TASP1: variants seen among roughly 807,000 people sequenced by gnomAD.
TASP1 encodes the protein taspase 1, also known as threonine aspartase 1.
A neutral mutation model predicts 56.6 loss-of-function variants in TASP1; 16 were observed. The observed-to-expected ratio is 0.28, with a 90% CI of 0.19 to 0.43. The LOEUF (loss-of-function observed/expected upper bound fraction) is 0.43. TASP1 is among the 20% of genes least tolerant of loss of function. TASP1 has a pLI of 1.00. For missense variants in TASP1, 393 were observed against 511.6 expected (o/e 0.77, Z 2.24); for synonymous variants, 179 against 184.2 (o/e 0.97, Z 0.23).
the TASP1 span, chr20:13,279,535 C>A: frequency 8.5e-7 from 1 of 1,175,190 alleles, no homozygotes; most frequent in Non-Finnish European, 1.2e-6. Flanking sequence ...ACGGATGCAT[C>A]CATCATTTCC....
At chr20:13,382,981 A>T in the TASP1 span, among the ~76,000 whole-genome samples, 1 of 152,204 alleles carries the variant, frequency 6.6e-6, no homozygotes, top group Non-Finnish European at 1.5e-5. Flanking sequence ...ATGAGGGAAG[A>T]GCAAGCCATG....
At chr20:13,434,359 GA>G (rs1464567966) in intron 12 of TASP1, among the ~76,000 whole-genome samples, 1 of 152,116 alleles carries the variant, frequency 6.6e-6, no homozygotes, top group African/African-American at 2.4e-5. Context: ...AGATGGATTA[GA>G]AAAAGGCAAC....
intron 10 of TASP1, among the ~76,000 whole-genome samples, chr20:13,517,335 C>T (rs1180951107): frequency 2.0e-5 from 3 of 151,976 alleles, no homozygotes; most frequent in Non-Finnish European, 2.9e-5. Flanking sequence ...AATTACAAGT[C>T]GTCTTGCTGA....
the TASP1 span, among the ~76,000 whole-genome samples, chr20:13,129,002 G>A: frequency 4.0e-5 from 6 of 151,098 alleles, no homozygotes; most frequent in African/African-American, 7.3e-5. Flanking sequence ...TCAGCCTCCC[G>A]AGTAGCTGGG....
the TASP1 span, chr20:13,292,263 A>G: frequency 1.5e-6 from 1 of 680,256 alleles, no homozygotes. Flanking sequence ...CGTGAGTAGT[A>G]ATGAATACAA....
intron 13 of TASP1, among the ~76,000 whole-genome samples, chr20:13,395,625 C>G (rs1218192838): frequency 6.6e-6 from 1 of 151,812 alleles, no homozygotes. Flanking sequence ...GTATTGTGAA[C>G]TGGGTAGTAC....
chr20:13,265,331 A>C, the TASP1 span, among the ~76,000 whole-genome samples: 1 of 152,202 alleles, frequency 6.6e-6, no homozygotes, highest in Non-Finnish European at 1.5e-5. Context: ...ACCAATTTGC[A>C]AAGGAAGGAG....
the TASP1 span, among the ~76,000 whole-genome samples, chr20:13,342,582 C>A: frequency 6.6e-6 from 1 of 152,152 alleles, no homozygotes; most frequent in African/African-American, 2.4e-5. Flanking sequence ...GGTTGCCCAG[C>A]CAGGCCAGGG....
the TASP1 span, among the ~76,000 whole-genome samples, chr20:13,175,025 C>T: frequency 3.3e-5 from 5 of 152,110 alleles, no homozygotes; most frequent in Admixed American, 1.3e-4. Flanking sequence ...GCTCTTCATT[C>T]GCTTTCTGCC....
chr20:13,237,574 C>A, the TASP1 span, among the ~76,000 whole-genome samples: 1 of 152,040 alleles, frequency 6.6e-6, no homozygotes, highest in Non-Finnish European at 1.5e-5. Flanking sequence ...AAAAGGGAGT[C>A]CAAGGAGGGC....
the TASP1 span, among the ~76,000 whole-genome samples, chr20:13,275,957 G>A: frequency 1.1e-4 from 17 of 152,322 alleles, no homozygotes; most frequent in African/African-American, 3.1e-4. Context: ...CTAGATTGGC[G>A]TGCTGCAAGT....
the TASP1 span, among the ~76,000 whole-genome samples, chr20:13,344,806 G>A: frequency 6.6e-6 from 1 of 152,288 alleles, no homozygotes; most frequent in African/African-American, 2.4e-5. Flanking sequence ...TGTGGGCTAT[G>A]TGTTCACTCC....
chr20:13,464,927 C>A (rs1484581386), intron 11 of TASP1, among the ~76,000 whole-genome samples: 2 of 151,882 alleles, frequency 1.3e-5, no homozygotes, highest in African/African-American at 4.8e-5. Flanking sequence ...CTTGGGAAAG[C>A]CGAGACAGGA....
At chr20:13,531,408 T>G (rs1176193498) in intron 9 of TASP1, among the ~76,000 whole-genome samples, 1 of 151,920 alleles carries the variant, frequency 6.6e-6, no homozygotes, top group African/African-American at 2.4e-5. Flanking sequence ...TCCTTTCTCA[T>G]GTCCAAACTG....
At chr20:13,485,772 T>G (rs576989863) in intron 10 of TASP1, among the ~76,000 whole-genome samples, 45 of 152,322 alleles carry the variant, frequency 3.0e-4, no homozygotes, top group Non-Finnish European at 5.0e-4. Context: ...CCATAAAGTT[T>G]AATTCCCTTT....
chr20:13,120,950 C>A, the TASP1 span, among the ~76,000 whole-genome samples: 8 of 152,332 alleles, frequency 5.3e-5, no homozygotes, highest in South Asian at 1.7e-3. Context: ...CCTTTCAAGA[C>A]CTTCCTGATG....
the TASP1 span, among the ~76,000 whole-genome samples, chr20:13,265,129 C>T: frequency 6.6e-6 from 1 of 152,160 alleles, no homozygotes; most frequent in Non-Finnish European, 1.5e-5. Flanking sequence ...CACATTTCAG[C>T]TCTGAAACCC....
chr20:13,125,749 A>G, the TASP1 span, among the ~76,000 whole-genome samples: 3 of 152,194 alleles, frequency 2.0e-5, no homozygotes, highest in African/African-American at 7.2e-5. Flanking sequence ...GAGAGTTCTG[A>G]GAGGACAAAA....
chr20:13,273,716 A>C, the TASP1 span, among the ~76,000 whole-genome samples: 1 of 152,242 alleles, frequency 6.6e-6, no homozygotes. Context: ...AAATGGATTA[A>C]AAATTAATGC....
Sources: allele counts gnomAD v4.1 joint callset (sites outside exome capture counted in the v4.1 genomes callset), GRCh38; gene constraint gnomAD v4.1.1; transcripts MANE v1.5; gene names NCBI Gene and HGNC (gene_info 2026-07-23, HGNC 2026-07-21).